Variants in FOCAD observed in about 807,000 individuals in gnomAD.
FOCAD encodes focadhesin.
A neutral mutation model predicts 225.6 loss-of-function variants in FOCAD; 198 were observed. The observed-to-expected ratio is 0.88, with a 90% CI of 0.78 to 0.99. FOCAD has a LOEUF of 0.99. Among genes scored for constraint, FOCAD ranks in the 50% least tolerant of loss-of-function variants. The probability of loss-of-function intolerance (pLI) is 0.00; values close to 1 mark genes in which losing one functional copy is unlikely to be tolerated. For synonymous variants in FOCAD, 897 were observed against 755.0 expected (o/e 1.19, Z -3.08); for missense variants, 2,713 against 2,123.6 (o/e 1.28, Z -5.46).
At chr9:20,977,219 G>C (rs1387954011) in intron 36 of FOCAD, among the ~76,000 whole-genome samples, 1 of 152,088 alleles carries the variant, frequency 6.6e-6, no homozygotes, top group Admixed American at 6.6e-5. Flanking sequence ...CAACTTTAAG[G>C]ACTCATGTAA....
intron 11 of FOCAD, among the ~76,000 whole-genome samples, chr9:20,805,662 A>G (rs1436112769): frequency 6.6e-6 from 1 of 152,136 alleles, no homozygotes; most frequent in Non-Finnish European, 1.5e-5. Flanking sequence ...TGATGTGAAT[A>G]AGCATATAAA....
chr9:20,846,382 C>G (rs1013008168), intron 15 of FOCAD, among the ~76,000 whole-genome samples: 2 of 152,092 alleles, frequency 1.3e-5, no homozygotes, highest in Non-Finnish European at 2.9e-5. Flanking sequence ...ATGGAAACAG[C>G]CAACATCTGG....
At chr9:20,943,555 G>A (rs1349105153) in intron 28 of FOCAD, among the ~76,000 whole-genome samples, 2 of 152,110 alleles carry the variant, frequency 1.3e-5, no homozygotes, top group African/African-American at 4.8e-5. Context: ...CTTCTTTTAG[G>A]TGTGGGTGCT....
chr9:20,709,538 G>A (rs528560545), intron 1 of FOCAD, among the ~76,000 whole-genome samples: 5 of 147,098 alleles, frequency 3.4e-5, no homozygotes, highest in African/African-American at 7.5e-5. Context: ...AGTAGGACAC[G>A]TACTACACTT....
chr9:20,759,554 A>G lies in FOCAD; in HGVS notation c.494+1363A>G, dbSNP rs576180659. Among the ~76,000 whole-genome samples the G allele has an allele frequency of 1.5e-3, 233 of 152,318 alleles. 1 individual carries two copies. Among genetic ancestry groups the G allele is most frequent in the African/African-American group, 5.2e-3 (217 of 41,566 alleles). On this transcript the variant is annotated intron_variant, in intron 6 of 43. Coordinates refer to ENST00000338382, the MANE Select transcript of FOCAD (RefSeq NM_001375567.1). ...ATCCCTTCCTTACACCTTATACAAAACTTAATTCAAGATGGATTAAAGACT... is the reference window on the plus strand; with the variant it reads ...ATCCCTTCCTTACACCTTATACAAAGCTTAATTCAAGATGGATTAAAGACT...
chr9:20,852,425 T>C (rs1023116730), intron 15 of FOCAD, among the ~76,000 whole-genome samples: 14 of 150,854 alleles, frequency 9.3e-5, no homozygotes, highest in Non-Finnish European at 1.0e-4. Flanking sequence ...TGTTTATCCA[T>C]GAAGAATTCA....
intron 10 of FOCAD, among the ~76,000 whole-genome samples, chr9:20,788,962 G>A (rs958819090): frequency 6.6e-6 from 1 of 152,012 alleles, no homozygotes; most frequent in Non-Finnish European, 1.5e-5. Context: ...TCTGCCTAGG[G>A]CCTGGAGCTG....
intron 11 of FOCAD, among the ~76,000 whole-genome samples, chr9:20,814,128 T>G (rs1421723750): frequency 6.6e-6 from 1 of 152,168 alleles, no homozygotes; most frequent in Non-Finnish European, 1.5e-5. Flanking sequence ...GGGATCTTGT[T>G]TGGGTTTTCG....
chr9:20,802,438 A>G (rs1821948456), intron 11 of FOCAD, among the ~76,000 whole-genome samples: 1 of 152,104 alleles, frequency 6.6e-6, no homozygotes, highest in African/African-American at 2.4e-5. Flanking sequence ...TTCAAAGGGA[A>G]TTTTTAGTAG....
chr9:20,979,541 G>C (rs920755317), intron 37 of FOCAD, among the ~76,000 whole-genome samples: 2 of 152,148 alleles, frequency 1.3e-5, no homozygotes, highest in African/African-American at 2.4e-5. Flanking sequence ...GTTTCACCAA[G>C]TTGGCAAGGC....
intron 2 of FOCAD, among the ~76,000 whole-genome samples, chr9:20,670,998 A>G (rs1256565908): frequency 2.6e-5 from 4 of 152,230 alleles, no homozygotes; most frequent in African/African-American, 7.2e-5. Context: ...TACTAACTGT[A>G]TAAGAGACTC....
At chr9:20,813,389 CAT>C (rs1460687487) in intron 11 of FOCAD, among the ~76,000 whole-genome samples, 2 of 152,082 alleles carry the variant, frequency 1.3e-5, no homozygotes, top group African/African-American at 4.8e-5. Context: ...CAAGATCGAT[CAT>C]AGAGTAGATT....
chr9:20,883,099 T>C (rs1830814983), intron 20 of FOCAD, among the ~76,000 whole-genome samples: 1 of 152,174 alleles, frequency 6.6e-6, no homozygotes, highest in Non-Finnish European at 1.5e-5. Flanking sequence ...AATAACACCA[T>C]TTAGTACTTC....
chr9:20,808,150 C>T (rs1178356623), intron 11 of FOCAD, among the ~76,000 whole-genome samples: 3 of 152,100 alleles, frequency 2.0e-5, no homozygotes, highest in Non-Finnish European at 2.9e-5. Context: ...CGATTAAGAA[C>T]AGGAGTTTTT....
At chr9:20,978,874 A>G (rs10964779) in intron 37 of FOCAD, among the ~76,000 whole-genome samples, 50,675 of 152,128 alleles carry the variant, frequency 0.33, 8,766 homozygotes, top group East Asian at 0.46. Context: ...GGAGGCAGCA[A>G]TTAAGGTGGG....
At chr9:20,834,258 A>G (rs1825780646) in intron 15 of FOCAD, among the ~76,000 whole-genome samples, 2 of 151,924 alleles carry the variant, frequency 1.3e-5, no homozygotes, top group African/African-American at 2.4e-5. Context: ...ATGAGAACAT[A>G]TGGACACACA....
chr9:20,744,617 G>T (rs1827894522), intron 5 of FOCAD, among the ~76,000 whole-genome samples: 1 of 152,132 alleles, frequency 6.6e-6, no homozygotes, highest in Admixed American at 6.5e-5. Flanking sequence ...AAAATATATG[G>T]ATGACTGGGC....
At chr9:20,865,818 G>C (rs962564701) in intron 16 of FOCAD, 108 bp from the exon 17 acceptor site, 4 of 671,694 alleles carry the variant, frequency 6.0e-6, no homozygotes, top group African/African-American at 5.6e-5. Flanking sequence ...ATTTCTGGTG[G>C]TGTTACTTTA....
intron 4 of FOCAD, chr9:20,726,435 A>G (rs780762554): frequency 2.0e-5 from 3 of 152,180 alleles, no homozygotes; most frequent in Non-Finnish European, 2.9e-5. Flanking sequence ...TGTGCTTGGT[A>G]AGAAGGTTAT....
Sources: gnomAD v4.1 joint callset for allele counts (sites outside exome capture counted in the v4.1 genomes callset) on GRCh38, gnomAD v4.1.1 for gene constraint, MANE v1.5 for transcripts, NCBI Gene and HGNC (gene_info 2026-07-23, HGNC 2026-07-21) for gene names.